Variants in SH3GL3 observed in about 807,000 individuals in gnomAD.
The protein encoded by SH3GL3 is endophilin-A3.
Under a neutral mutation model 47.7 loss-of-function variants are expected in SH3GL3, and 33 were observed. That is an observed-to-expected ratio of 0.69 (90% CI 0.52 to 0.92). SH3GL3 has a LOEUF of 0.92. SH3GL3 is among the 40% of genes least tolerant of loss of function. The pLI is 0.00. For synonymous variants in SH3GL3, 155 were observed against 148.8 expected (o/e 1.04, Z -0.30); for missense variants, 363 against 417.8 (o/e 0.87, Z 1.14).
chr15:83,506,627 C>T (rs1183459817), intron 1 of SH3GL3, among the ~76,000 whole-genome samples: 1 of 152,054 alleles, frequency 6.6e-6, no homozygotes, highest in Non-Finnish European at 1.5e-5. Flanking sequence ...TTGTCTGTGA[C>T]TTGTTAGAAA....
intron 4 of SH3GL3, among the ~76,000 whole-genome samples, chr15:83,570,211 T>A (rs2045746452): frequency 6.6e-6 from 1 of 152,210 alleles, no homozygotes; most frequent in Non-Finnish European, 1.5e-5. Flanking sequence ...GTTCTAATTT[T>A]GTTTTCTAAC....
At chr15:83,483,174 G>A (rs2041444491) in intron 1 of SH3GL3, among the ~76,000 whole-genome samples, 1 of 152,182 alleles carries the variant, frequency 6.6e-6, no homozygotes, top group African/African-American at 2.4e-5. Context: ...GTTTCAGCAG[G>A]TGAGATATAG....
At chr15:83,622,416 C>T (rs1167141656), downstream of SH3GL3, among the ~76,000 whole-genome samples, 2 of 152,240 alleles carry the variant, frequency 1.3e-5, no homozygotes, top group Non-Finnish European at 2.9e-5. Context: ...GAACTGCAGA[C>T]TATTCTCAAT....
At chr15:83,493,947 C>T (rs767538307) in intron 1 of SH3GL3, among the ~76,000 whole-genome samples, 2 of 152,178 alleles carry the variant, frequency 1.3e-5, no homozygotes, top group Non-Finnish European at 2.9e-5. Context: ...GAAGTGCCAC[C>T]ATGGCTGTAA....
rs1300624896 is a variant in SH3GL3 at position 83,568,543 on chromosome 15, C to A, written c.202C>A (p.Leu68Ile). The A allele has an allele frequency of 3.1e-6, 5 of 1,613,188 alleles. No individual in the cohort carries two copies. In the South Asian group the frequency reaches 4.4e-5, roughly 14 times the overall value. The change falls in exon 4 of 9, where the codon CTA becomes ATA. Residue 68 changes from leucine (L) to isoleucine (I), a missense_variant. Leu to Ile is a conservative substitution (Grantham distance 5). Transcript: ENST00000427482. ...ATGTTTTTAAGCATACAGAGCTAAG[C>A]TAGGAATGCTGAACACTGTGTCGAA... is the stretch of plus-strand genomic sequence containing the variant. ...LQPNPAYRAK[L>I]GMLNTVSKIR... is the part of the protein sequence containing the mutation.
At chr15:83,478,064 G>A (rs1225276094) in intron 1 of SH3GL3, among the ~76,000 whole-genome samples, 4 of 152,096 alleles carry the variant, frequency 2.6e-5, no homozygotes, top group African/African-American at 9.7e-5. Flanking sequence ...GAGGGAGATG[G>A]CATGGGTCCC....
the SH3GL3 span, among the ~76,000 whole-genome samples, chr15:83,627,211 C>G: frequency 1.3e-5 from 2 of 152,048 alleles, no homozygotes; most frequent in East Asian, 3.9e-4. Context: ...TCCTGGCTAA[C>G]ACGGTGAAAC....
intron 8 of SH3GL3, among the ~76,000 whole-genome samples, chr15:83,613,471 G>T (rs986076823): frequency 1.3e-5 from 2 of 152,220 alleles, no homozygotes; most frequent in East Asian, 1.9e-4. Flanking sequence ...TTCTGTGTGT[G>T]TGTGCAGCAA....
chr15:83,584,645 C>T (rs2059913176), intron 6 of SH3GL3, among the ~76,000 whole-genome samples: 1 of 152,176 alleles, frequency 6.6e-6, no homozygotes, highest in South Asian at 2.1e-4. Flanking sequence ...GTGAGCCCAT[C>T]TGTAGGAGCT....
chr15:83,500,398 G>A (rs980801985), intron 1 of SH3GL3, among the ~76,000 whole-genome samples: 14 of 152,090 alleles, frequency 9.2e-5, no homozygotes, highest in African/African-American at 1.9e-4. Flanking sequence ...CCCTCTTCCC[G>A]GACCACACTT....
At chr15:83,624,044 C>T in the SH3GL3 span, among the ~76,000 whole-genome samples, 1 of 152,194 alleles carries the variant, frequency 6.6e-6, no homozygotes, top group Admixed American at 6.5e-5. Flanking sequence ...ACCTCGGCCT[C>T]CCAAAGTGCT....
chr15:83,513,653 T>G (rs913514903), intron 1 of SH3GL3, among the ~76,000 whole-genome samples: 3 of 152,192 alleles, frequency 2.0e-5, no homozygotes, highest in Non-Finnish European at 2.9e-5. Context: ...CTTTGCTCTT[T>G]GTGGTTGATG....
chr15:83,584,263 T>C (rs1474060721), intron 6 of SH3GL3, among the ~76,000 whole-genome samples: 1 of 152,154 alleles, frequency 6.6e-6, no homozygotes, highest in African/African-American at 2.4e-5. Context: ...CATTGTCATA[T>C]CTTCTCTGAC....
intron 1 of SH3GL3, among the ~76,000 whole-genome samples, chr15:83,551,879 T>C (rs2044687574): frequency 6.6e-6 from 1 of 152,204 alleles, no homozygotes; most frequent in Non-Finnish European, 1.5e-5. Flanking sequence ...ATTACTGATC[T>C]ATTTGGACTC....
intron 1 of SH3GL3, among the ~76,000 whole-genome samples, chr15:83,462,410 C>G (rs1255182992): frequency 6.6e-6 from 1 of 152,224 alleles, no homozygotes; most frequent in Non-Finnish European, 1.5e-5. Context: ...CCTTAGTCCA[C>G]TTATTGAGTA....
chr15:83,541,285 G>GGGATGGCT (rs1476206410), intron 1 of SH3GL3, among the ~76,000 whole-genome samples: 1 of 144,246 alleles, frequency 6.9e-6, no homozygotes, highest in African/African-American at 2.6e-5. Context: ...TCCTAGCAGT[G>GGGATGGCT]GGATGGCTGG....
intron 1 of SH3GL3, among the ~76,000 whole-genome samples, chr15:83,556,550 C>G (rs866970920): frequency 6.6e-6 from 1 of 152,146 alleles, no homozygotes; most frequent in Non-Finnish European, 1.5e-5. Flanking sequence ...AGTGCGAACT[C>G]GTTCGGATTA....
intron 1 of SH3GL3, among the ~76,000 whole-genome samples, chr15:83,460,102 CT>C (rs1178204598): frequency 2.9e-5 from 4 of 136,320 alleles, no homozygotes; most frequent in Non-Finnish European, 6.3e-5. Flanking sequence ...TCCTTGCTTC[CT>C]TCCTTCCTTC....
intron 1 of SH3GL3, among the ~76,000 whole-genome samples, chr15:83,466,711 C>T (rs2040585729): frequency 6.6e-6 from 1 of 152,156 alleles, no homozygotes; most frequent in African/African-American, 2.4e-5. Context: ...TCCTCTCCAC[C>T]ATTTATTGTC....
Sources: gnomAD v4.1 joint callset for allele counts (sites outside exome capture counted in the v4.1 genomes callset) on GRCh38, gnomAD v4.1.1 for gene constraint, MANE v1.5 for transcripts, NCBI Gene and HGNC (gene_info 2026-07-23, HGNC 2026-07-21) for gene names.